MAGI1: variants seen among roughly 807,000 people sequenced by gnomAD.
MAGI1 encodes membrane associated guanylate kinase, WW and PDZ domain containing 1.
Under a neutral mutation model 139.9 loss-of-function variants are expected in MAGI1, and 58 were observed. The observed-to-expected ratio is 0.41, with a 90% CI of 0.34 to 0.52. The LOEUF is 0.52. Among genes scored for constraint, MAGI1 ranks in the 20% least tolerant of loss-of-function variants. The pLI is 0.12. For synonymous variants in MAGI1, 812 were observed against 737.9 expected (o/e 1.10, Z -1.63); for missense variants, 1,874 against 1,901.6 (o/e 0.99, Z 0.27).
chr3:65,980,507 G>A lies in MAGI1; in HGVS notation c.313+57489C>T, dbSNP rs1479259889. Among the ~76,000 whole-genome samples, 13 of 149,772 alleles carry A rather than the reference G, an allele frequency of 8.7e-5. No homozygotes were observed. In the East Asian group the frequency reaches 1.2e-3, roughly 14 times the overall value. ...GAACCCAGGAGGTGAAGGTTGCAGC[G>A]AGCCAAGATCGCCCTACTGTGTACT... On this transcript the variant is annotated intron_variant, in intron 1 of 22. Coordinates refer to ENST00000402939, the MANE Select transcript of MAGI1 (RefSeq NM_001033057.2).
intron 1 of MAGI1, among the ~76,000 whole-genome samples, chr3:66,024,168 C>A (rs1189400457): frequency 2.6e-5 from 4 of 151,638 alleles, no homozygotes; most frequent in Non-Finnish European, 5.9e-5. Context: ...ATGAGAGAAA[C>A]CAAGTGAGAG....
At chr3:65,857,121 C>T (rs1431159082) in intron 1 of MAGI1, among the ~76,000 whole-genome samples, 2 of 152,214 alleles carry the variant, frequency 1.3e-5, no homozygotes, top group Admixed American at 1.3e-4. Context: ...GCCCTTCTTT[C>T]TCAATAGCAG....
chr3:65,682,022 G>A (rs1178666816), intron 1 of MAGI1, among the ~76,000 whole-genome samples: 1 of 152,058 alleles, frequency 6.6e-6, no homozygotes, highest in Non-Finnish European at 1.5e-5. Context: ...GTTTAAGGGG[G>A]CAAAAATAAC....
intron 2 of MAGI1, among the ~76,000 whole-genome samples, chr3:65,505,448 C>A (rs2077243840): frequency 6.6e-6 from 1 of 150,594 alleles, no homozygotes; most frequent in Non-Finnish European, 1.5e-5. Flanking sequence ...AGTTCAAGAC[C>A]AGCCTATGCA....
At chr3:65,486,328 A>G (rs1951634122) in intron 3 of MAGI1, among the ~76,000 whole-genome samples, 1 of 152,194 alleles carries the variant, frequency 6.6e-6, no homozygotes, top group African/African-American at 2.4e-5. Flanking sequence ...AAAGTGTATA[A>G]TCAGCCTCTT....
intron 1 of MAGI1, among the ~76,000 whole-genome samples, chr3:65,771,773 C>T (rs1215705993): frequency 6.6e-6 from 1 of 152,180 alleles, no homozygotes; most frequent in Non-Finnish European, 1.5e-5. Context: ...TTCAGCCTAA[C>T]CCAGGAATCC....
intron 3 of MAGI1, among the ~76,000 whole-genome samples, chr3:65,480,274 T>G (rs1951188638): frequency 6.6e-6 from 1 of 151,824 alleles, no homozygotes. Flanking sequence ...GGATCATGCC[T>G]CTAATACCAG....
chr3:65,374,687 T>C (rs1214848459), intron 18 of MAGI1, among the ~76,000 whole-genome samples: 2 of 152,174 alleles, frequency 1.3e-5, no homozygotes, highest in Non-Finnish European at 2.9e-5. Context: ...AACTTTTTAT[T>C]GTGAGGGCTG....
intron 1 of MAGI1, among the ~76,000 whole-genome samples, chr3:65,979,073 GT>G (rs1337281276): frequency 1.6e-5 from 2 of 124,322 alleles, no homozygotes; most frequent in Non-Finnish European, 3.4e-5. Flanking sequence ...AACAGCCAAA[GT>G]TTTTTTCTTT....
intron 1 of MAGI1, among the ~76,000 whole-genome samples, chr3:65,779,874 T>C (rs1304147896): frequency 1.3e-5 from 2 of 152,160 alleles, no homozygotes; most frequent in Non-Finnish European, 2.9e-5. Flanking sequence ...ATCGATTACA[T>C]GTGATGGGAA....
intron 2 of MAGI1, among the ~76,000 whole-genome samples, chr3:65,600,723 A>G (rs2082444024): frequency 6.6e-6 from 1 of 152,228 alleles, no homozygotes; most frequent in African/African-American, 2.4e-5. Context: ...ACACTTCTTT[A>G]CTGGCAATTT....
chr3:65,547,741 T>C (rs1395486589), intron 2 of MAGI1, among the ~76,000 whole-genome samples: 2 of 152,144 alleles, frequency 1.3e-5, no homozygotes, highest in African/African-American at 4.8e-5. Flanking sequence ...AAGAGGAATA[T>C]ATATATGAAG....
At chr3:65,881,741 G>T (rs35014605) in intron 1 of MAGI1, among the ~76,000 whole-genome samples, 2,858 of 152,268 alleles carry the variant, frequency 0.019, 40 homozygotes, top group Non-Finnish European at 0.03. Context: ...ACAGGAATGT[G>T]TTCTCAAGTC....
chr3:65,669,729 C>G (rs927583914), intron 1 of MAGI1, among the ~76,000 whole-genome samples: 6 of 152,192 alleles, frequency 3.9e-5, no homozygotes, highest in African/African-American at 1.2e-4. Flanking sequence ...GAAAGCTCTG[C>G]TCTTGTCTGC....
At chr3:65,437,683 T>C (rs1947946985) in intron 9 of MAGI1, among the ~76,000 whole-genome samples, 1 of 152,152 alleles carries the variant, frequency 6.6e-6, no homozygotes, top group Non-Finnish European at 1.5e-5. Context: ...CTGTTATCTC[T>C]GAATCCAAAT....
intron 1 of MAGI1, among the ~76,000 whole-genome samples, chr3:65,855,940 G>T (rs966689445): frequency 4.6e-5 from 7 of 151,932 alleles, no homozygotes; most frequent in Admixed American, 4.6e-4. Context: ...CTGGCCTGAG[G>T]ACATGGTGTT....
chr3:65,427,551 G>T (rs1260560262), intron 12 of MAGI1, among the ~76,000 whole-genome samples: 1 of 152,148 alleles, frequency 6.6e-6, no homozygotes, highest in Admixed American at 6.6e-5. Flanking sequence ...TGTCAAATGA[G>T]CAGTGGCTGA....
rs141393129 is a variant in MAGI1, at chr3:65,429,865, C to A, written c.1822G>T (p.Ala608Ser). The A allele has an allele frequency of 6.2e-7, 1 of 1,614,044 alleles. No individual in the cohort carries two copies. Among genetic ancestry groups the A allele is most frequent in the African/African-American group, 1.3e-5 (1 of 75,048 alleles). ...KTGKVNGMKD[A>S]RPSSPADVAS... ...ACGTCCGCTGGGCTGCTTGGCCTGG[C>A]ATCCTTCATGCCATTGACTTTGCCT... The change falls in exon 12 of 23, where the codon GCC (alanine) becomes TCC (serine). Residue 608 changes from alanine to serine, a missense_variant. This residue lies in a region of MAGI1 where 482 missense variants were observed against 509.6 expected (regional missense o/e 0.95). Coordinates refer to ENST00000402939, the MANE Select transcript of MAGI1 (RefSeq NM_001033057.2).
chr3:65,361,925 G>A (rs1940899539), intron 21 of MAGI1, among the ~76,000 whole-genome samples: 1 of 152,176 alleles, frequency 6.6e-6, no homozygotes, highest in Non-Finnish European at 1.5e-5. Context: ...CCCCAGGTGA[G>A]ACTTCAGATG....
Sources: gnomAD v4.1 joint callset for allele counts (sites outside exome capture counted in the v4.1 genomes callset) on GRCh38, gnomAD v4.1.1 for gene constraint, gnomAD v4.1.1 regional missense constraint, MANE v1.5 for transcripts, NCBI Gene and HGNC (gene_info 2026-07-23, HGNC 2026-07-21) for gene names.